The following UNC13B variants were observed in gnomAD, a reference collection of about 807,000 sequenced individuals.
UNC13B encodes protein unc-13 homolog B.
A neutral mutation model predicts 211.0 loss-of-function variants in UNC13B; 144 were observed. The observed-to-expected ratio is 0.68, with a 90% confidence interval of 0.60 to 0.78. UNC13B has a LOEUF of 0.78. UNC13B is among the 30% of genes least tolerant of loss of function. UNC13B has a pLI of 0.00. For missense variants in UNC13B, 1,777 were observed against 2,002.0 expected, an observed-to-expected ratio of 0.89 and a Z score of 2.14; for synonymous variants, 709 against 725.8, an observed-to-expected ratio of 0.98 and a Z score of 0.37.
At chr9:35,255,044 A>G (rs1192806486) in intron 6 of UNC13B, among the ~76,000 whole-genome samples, 181 of 118,996 alleles carry the variant, frequency 1.5e-3, no homozygotes, top group Non-Finnish European at 2.2e-3. Flanking sequence ...TATATATTAT[A>G]TATAATATAA....
chr9:35,337,099 T>C (rs1214722425), intron 11 of UNC13B, among the ~76,000 whole-genome samples: 1 of 152,132 alleles, frequency 6.6e-6, no homozygotes, highest in African/African-American at 2.4e-5. Flanking sequence ...GGACTTTTTT[T>C]TTTTTCACAG....
chr9:35,164,715 C>G (rs967302498), intron 1 of UNC13B, among the ~76,000 whole-genome samples: 2 of 152,126 alleles, frequency 1.3e-5, no homozygotes, highest in South Asian at 4.1e-4. Flanking sequence ...CACTTGTGCC[C>G]CCTGAAATAC....
intron 7 of UNC13B, among the ~76,000 whole-genome samples, chr9:35,293,358 G>A (rs185427910): frequency 6.6e-6 from 1 of 152,334 alleles, no homozygotes; most frequent in Admixed American, 6.5e-5. Flanking sequence ...TGTGGATTTG[G>A]GTTGTGGGCT....
At chr9:35,230,937 C>T (rs73499304) in intron 2 of UNC13B, among the ~76,000 whole-genome samples, 183 bp from the exon 3 acceptor site, 127 of 152,094 alleles carry the variant, frequency 8.4e-4, no homozygotes, top group African/African-American at 2.3e-3. Flanking sequence ...GAAGATAGCA[C>T]GTAGTTTTAT....
intron 11 of UNC13B, chr9:35,361,470 C>T (rs1270528583): frequency 2.0e-5 from 3 of 152,170 alleles, no homozygotes; most frequent in African/African-American, 7.2e-5. Flanking sequence ...CTTATACCTT[C>T]TCTGGTTGGG....
At chr9:35,300,098 AT>A (rs1377425128) in intron 8 of UNC13B, 67 bp from the exon 9 acceptor site, 5 of 397,962 alleles carry the variant, frequency 1.3e-5, no homozygotes, top group Non-Finnish European at 2.2e-5. Context: ...CAGGAAAAAG[AT>A]ACCACCTCAG....
chr9:35,364,522 T>C, intron 11 of UNC13B: 1 of 1,536,038 alleles, frequency 6.5e-7, no homozygotes, highest in Non-Finnish European at 8.7e-7. Context: ...CTGCCCTTTT[T>C]TCTGCTCTTT....
chr9:35,196,459 A>G (rs887648393), intron 1 of UNC13B, among the ~76,000 whole-genome samples: 1 of 152,230 alleles, frequency 6.6e-6, no homozygotes, highest in Non-Finnish European at 1.5e-5. Context: ...AGAGAGACTC[A>G]GGAGCGGAAG....
chr9:35,399,802 C>T (rs1048731053), intron 36 of UNC13B, 73 bp downstream of exon 36: 1 of 1,451,232 alleles, frequency 6.9e-7, no homozygotes, highest in East Asian at 2.3e-5. Context: ...CTCTCCCAGA[C>T]CAGGTGTCCC....
chr9:35,393,760 C>T (rs1392581225), intron 26 of UNC13B, among the ~76,000 whole-genome samples: 6 of 151,772 alleles, frequency 4.0e-5, no homozygotes, highest in East Asian at 3.9e-4. Flanking sequence ...TTAGTAGAGA[C>T]GGGGTTTCAC....
intron 11 of UNC13B, among the ~76,000 whole-genome samples, chr9:35,334,624 C>T (rs1463523712): frequency 6.6e-6 from 1 of 152,222 alleles, no homozygotes; most frequent in East Asian, 1.9e-4. Flanking sequence ...TGCATACTTA[C>T]AGGCTTTAAA....
intron 11 of UNC13B, chr9:35,361,019 AC>A (rs1408536057): frequency 6.6e-6 from 1 of 152,188 alleles, no homozygotes; most frequent in East Asian, 1.9e-4. Flanking sequence ...CCTTGCAATA[AC>A]CCTGGGAGGT....
chr9:35,367,068 G>A, intron 12 of UNC13B, 75 bp downstream of exon 12: 1 of 1,427,860 alleles, frequency 7.0e-7, no homozygotes, highest in Non-Finnish European at 9.9e-7. Context: ...CCCCTGGGAA[G>A]CAGGGGAACC....
At chr9:35,312,553 G>T (rs1314435241) in intron 10 of UNC13B, among the ~76,000 whole-genome samples, 1 of 152,172 alleles carries the variant, frequency 6.6e-6, no homozygotes, top group Admixed American at 6.5e-5. Context: ...TTCTCTACTG[G>T]TTGTGTCCTC....
At chr9:35,380,748 C>A in intron 18 of UNC13B, 109 bp downstream of exon 18, 1 of 1,403,428 alleles carries the variant, frequency 7.1e-7, no homozygotes, top group Non-Finnish European at 9.8e-7. Flanking sequence ...TACCTCTATA[C>A]AGAGCCTGTC....
Position 35,370,185 on chromosome 9 carries a change from G to A in UNC13B, c.9462-133G>A, listed in dbSNP as rs181430197. 2.0e-3 allele frequency: 1,266 copies of A among 643,840 alleles called. 4 individuals carry two copies. Among genetic ancestry groups the A allele is most frequent in the African/African-American group, 8.5e-3 (464 of 54,590 alleles). The allele number at this position is 643,840 out of a possible 1,614,324, so 39.9% of individuals were successfully genotyped here. A position where few individuals can be genotyped will look rare whatever the true frequency, so the allele number is the denominator to read the frequency against. On this transcript the variant is annotated intron_variant, in intron 12 of 39. Coordinates refer to ENST00000635942, the MANE Select transcript of UNC13B (RefSeq NM_001371189.2). ...CCCTGACTTTCTGTCTTTCCTTCCC[G>A]TCCTAAAAGCACATGGTAGAGGTCA...
intron 11 of UNC13B, among the ~76,000 whole-genome samples, chr9:35,332,571 CT>C: frequency 6.6e-6 from 1 of 152,218 alleles, no homozygotes; most frequent in Admixed American, 6.5e-5. Flanking sequence ...CTCTGTTTCC[CT>C]TTGTGTTCGG....
intron 13 of UNC13B, among the ~76,000 whole-genome samples, chr9:35,371,755 TG>T (rs1429697102): frequency 4.6e-5 from 7 of 152,238 alleles, no homozygotes; most frequent in Non-Finnish European, 7.3e-5. Flanking sequence ...CTCTAGGCTT[TG>T]GGTCCTGGCC....
At chr9:35,262,998 TC>T (rs2131642368) in intron 7 of UNC13B, among the ~76,000 whole-genome samples, 1 of 152,314 alleles carries the variant, frequency 6.6e-6, no homozygotes, top group African/African-American at 2.4e-5. Flanking sequence ...ATGATATTGA[TC>T]TTTTTTTATT....
Sources: allele counts gnomAD v4.1 joint callset (sites outside exome capture counted in the v4.1 genomes callset), GRCh38; gene constraint gnomAD v4.1.1; transcripts MANE v1.5; gene names NCBI Gene and HGNC (gene_info 2026-07-23, HGNC 2026-07-21).